The following NCOR2 variants were observed in gnomAD, a reference collection of about 807,000 sequenced individuals.
NCOR2 encodes CTG repeat protein 26.
A neutral mutation model predicts 262.9 loss-of-function variants in NCOR2; 81 were observed. The ratio of observed to expected loss-of-function variants is 0.31; its 90% CI spans 0.26 to 0.37. The LOEUF (loss-of-function observed/expected upper bound fraction) is 0.37. Among genes scored for constraint, NCOR2 ranks in the 10% least tolerant of loss-of-function variants. NCOR2 has a pLI of 1.00. For missense variants in NCOR2, 3,385 were observed against 3,621.4 expected (o/e 0.93, Z 1.68); for synonymous variants, 1,659 against 1,559.3 (o/e 1.06, Z -1.51).
At chr12:124,326,059 A>G (rs11057584) in intron 46 of NCOR2, 132 bp downstream of exon 48, 3 of 1,007,210 alleles carry the variant, frequency 3.0e-6, no homozygotes, top group East Asian at 6.5e-5. Flanking sequence ...GCCCCTGGAC[A>G]GCGTTTCCAC....
intron 1 of NCOR2, among the ~76,000 whole-genome samples, chr12:124,505,536 C>T (rs1025291665): frequency 6.6e-6 from 1 of 152,246 alleles, no homozygotes; most frequent in African/African-American, 2.4e-5. Context: ...AAGCCACCTC[C>T]TGTGGACACA....
intron 1 of NCOR2, among the ~76,000 whole-genome samples, chr12:124,510,800 C>A (rs2049353571): frequency 6.6e-6 from 1 of 152,204 alleles, no homozygotes; most frequent in South Asian, 2.1e-4. Flanking sequence ...CTGTGGGCAT[C>A]TCCATGTCCA....
chr12:124,404,596 C>T (rs923324875), intron 13 of NCOR2, among the ~76,000 whole-genome samples: 23 of 152,332 alleles, frequency 1.5e-4, no homozygotes, highest in Admixed American at 3.9e-4. Flanking sequence ...CCCATCAGGC[C>T]GCAGGCAGGG....
intron 16 of NCOR2, among the ~76,000 whole-genome samples, chr12:124,397,373 T>C (rs933282140): frequency 3.3e-5 from 5 of 152,102 alleles, no homozygotes; most frequent in African/African-American, 9.6e-5. Context: ...CAGAGGCAGG[T>C]CACTGTGCTG....
intron 16 of NCOR2, among the ~76,000 whole-genome samples, chr12:124,391,414 A>T (rs1349067815): frequency 6.6e-6 from 1 of 152,032 alleles, no homozygotes; most frequent in Non-Finnish European, 1.5e-5. Context: ...GCTCTGCCTA[A>T]AACCCTATCA....
intron 20 of NCOR2, among the ~76,000 whole-genome samples, chr12:124,370,372 C>T (rs960161963): frequency 2.6e-5 from 4 of 152,208 alleles, no homozygotes; most frequent in Admixed American, 2.0e-4. Context: ...GGGTGAACCT[C>T]AGTTCCTAGG....
chr12:124,347,849 G>C, exon 30 of NCOR2: 1 of 1,567,768 alleles, frequency 6.4e-7, no homozygotes, highest in Non-Finnish European at 8.7e-7. Flanking sequence ...CCGCGGATGT[G>C]GTGCTGCTCT....
chr12:124,429,693 G>A (rs2043802221), exon 10 of NCOR2: 3 of 1,605,026 alleles, frequency 1.9e-6, no homozygotes, highest in African/African-American at 1.3e-5. Flanking sequence ...CCACTGCCCC[G>A]CTGGCCCACC....
intron 11 of NCOR2, among the ~76,000 whole-genome samples, chr12:124,422,768 T>C (rs966003669): frequency 1.7e-4 from 26 of 152,174 alleles, no homozygotes; most frequent in African/African-American, 6.3e-4. Flanking sequence ...TTCCTTGGAG[T>C]GAGTCACTGG....
intron 34 of NCOR2, 143 bp downstream of exon 36, chr12:124,341,680 C>T: frequency 7.6e-7 from 1 of 1,309,318 alleles, no homozygotes. Context: ...ACGCACAACC[C>T]CAGGCCACCC....
intron 13 of NCOR2, among the ~76,000 whole-genome samples, chr12:124,408,957 C>T (rs997826889): frequency 4.6e-5 from 7 of 152,242 alleles, no homozygotes; most frequent in African/African-American, 1.2e-4. Context: ...AGCGGCAGCA[C>T]GTTGTCACGT....
intron 1 of NCOR2, among the ~76,000 whole-genome samples, chr12:124,544,628 C>G (rs1460761947): frequency 1.3e-5 from 2 of 152,204 alleles, no homozygotes; most frequent in Non-Finnish European, 2.9e-5. Context: ...CCTCCTCTGC[C>G]TCCACACCCG....
rs997347494 is a variant in NCOR2 at position 124,360,911 on chromosome 12, C to T, written c.3100+1215G>A. Among the ~76,000 whole-genome samples the T allele has an allele frequency of 2.0e-5, 3 of 152,152 alleles. No individual in the cohort carries two copies. The East Asian group carries it at 5.8e-4, about 29-fold the overall frequency. ...GTTACGTGTTCCCTGGTTTAACATC[C>T]TCCTCACTCAAAACAACAGCAGCTC... On this transcript the variant is annotated intron_variant, in intron 22 of 46. Coordinates refer to ENST00000405201, the Ensembl canonical transcript of NCOR2.
At chr12:124,394,592 G>A (rs959648607) in intron 16 of NCOR2, among the ~76,000 whole-genome samples, 6 of 152,228 alleles carry the variant, frequency 3.9e-5, no homozygotes, top group African/African-American at 1.4e-4. Flanking sequence ...ACAGAGACAC[G>A]CAGGGAGAAA....
chr12:124,566,184 A>G lies in NCOR2; in HGVS notation c.-165+1124T>C, dbSNP rs1445773036. ...TCTGCAAAAAGGGAAAAATAATAATAATCACAATAAAACCAGTTCTCACCA... is the reference window on the plus strand; with the variant it reads ...TCTGCAAAAAGGGAAAAATAATAATGATCACAATAAAACCAGTTCTCACCA... On this transcript the variant is annotated intron_variant, in intron 1 of 32. Transcript: ENST00000458234. This position sits in a 1 kb window ranked among gnomAD's most constrained non-coding sequence, Gnocchi z 4.3. Among the ~76,000 whole-genome samples, 1 of 151,988 alleles carries G rather than the reference A, an allele frequency of 6.6e-6. No homozygotes were observed. The highest frequency in any genetic ancestry group is 1.5e-5 in the Non-Finnish European group (1 of 67,992).
rs146596867 is a variant in NCOR2 at position 124,551,126 on chromosome 12, A to T, written c.-164-15515T>A. On this transcript the variant is annotated intron_variant, in intron 1 of 32. Coordinates refer to the NCOR2 transcript ENST00000458234. ...CTATTACCCTTCTAATTCTCAAAAC[A>T]ACCCTAGAAGGTGAGGACTGCTTAG... 1.8e-4 allele frequency among the ~76,000 whole-genome samples: 28 copies of T among 152,320 alleles called. No individual in the cohort carries two copies. In the East Asian group the frequency reaches 5.4e-3, roughly 29 times the overall value.
chr12:124,529,983 G>T (rs1453351540), intron 1 of NCOR2: 1 of 152,160 alleles, frequency 6.6e-6, no homozygotes, highest in Non-Finnish European at 1.5e-5. Context: ...TAAGAAAAAA[G>T]AAAACATGTT....
At chr12:124,398,165 A>G in exon 16 of NCOR2, 2 of 1,614,218 alleles carry the variant, frequency 1.2e-6, no homozygotes, top group Non-Finnish European at 1.7e-6. Context: ...GAGAACTCTC[A>G]TTCAGCTCCA....
Position 124,376,474 on chromosome 12 carries a change from C to T in NCOR2, c.2167+1763G>A, listed in dbSNP as rs112885296. ...TGCTCCCGGGGTCTTCTCCTGGCTACAGACCCAGGACCCAAAATGGGACGA... is the reference window on the plus strand; with the variant it reads ...TGCTCCCGGGGTCTTCTCCTGGCTATAGACCCAGGACCCAAAATGGGACGA... On this transcript the variant is annotated intron_variant, in intron 18 of 46. Coordinates refer to ENST00000405201, the Ensembl canonical transcript of NCOR2. 5.9e-5 allele frequency among the ~76,000 whole-genome samples: 9 copies of T among 152,362 alleles called. 1 individual carries two copies. The highest frequency in any genetic ancestry group is 1.9e-4 in the African/African-American group (8 of 41,584).
Sources: allele counts gnomAD v4.1 joint callset (sites outside exome capture counted in the v4.1 genomes callset), GRCh38; gene constraint gnomAD v4.1.1; non-coding constraint Gnocchi (gnomAD v3.1); transcripts MANE v1.5; gene names NCBI Gene and HGNC (gene_info 2026-07-23, HGNC 2026-07-21).